Variants in TESK2 observed in about 807,000 individuals in gnomAD.
The protein encoded by TESK2 is dual specificity testis-specific protein kinase 2.
TESK2 carries 39 observed loss-of-function variants against 57.1 expected under a neutral mutation model. The observed-to-expected ratio is 0.68, with a 90% CI of 0.53 to 0.89. The LOEUF (loss-of-function observed/expected upper bound fraction) is 0.89, where lower values mean the gene tolerates loss of function less well. TESK2 is among the 40% of genes least tolerant of loss of function. TESK2 has a pLI of 0.00. For synonymous variants in TESK2, 249 were observed against 267.9 expected, an observed-to-expected ratio of 0.93 and a Z score of 0.69; for missense variants, 646 against 732.1, an observed-to-expected ratio of 0.88 and a Z score of 1.36.
At chr1:45,409,880 T>C (rs1040640371) in intron 3 of TESK2, among the ~76,000 whole-genome samples, 1 of 152,140 alleles carries the variant, frequency 6.6e-6, no homozygotes, top group African/African-American at 2.4e-5. Context: ...TTAAAAATCT[T>C]CAGCCAAGAC....
At chr1:45,375,947 T>C (rs1304237263) in intron 4 of TESK2, among the ~76,000 whole-genome samples, 1 of 152,206 alleles carries the variant, frequency 6.6e-6, no homozygotes, top group East Asian at 1.9e-4. Context: ...AACTCTTCTA[T>C]TATTTGTGGG....
Position 45,380,089 on chromosome 1 carries a change from G to A in TESK2, c.393+5823C>T, listed in dbSNP as rs144356833. ...TAATTTTTGTATTTTTTATAGAGAC[G>A]GAGTTTCACCATGTTGGCCAGGCTG... On this transcript the variant is annotated intron_variant, in intron 4 of 10. Coordinates refer to ENST00000372086, the MANE Select transcript of TESK2 (RefSeq NM_007170.3). 5.8e-3 allele frequency among the ~76,000 whole-genome samples: 887 copies of A among 152,056 alleles called. 10 individuals are homozygous for A. The highest frequency in any genetic ancestry group is 0.02 in the African/African-American group (839 of 41,472).
chr1:45,355,910 A>T (rs1557540858), intron 4 of TESK2, among the ~76,000 whole-genome samples: 2 of 152,206 alleles, frequency 1.3e-5, no homozygotes, highest in African/African-American at 4.8e-5. Flanking sequence ...GCCAGAGTGC[A>T]TTTATAGATG....
chr1:45,444,171 T>G lies in TESK2; in HGVS notation c.222+13393A>C, dbSNP rs79766204. Among the ~76,000 whole-genome samples the G allele has an allele frequency of 6.0e-4, 83 of 138,622 alleles. No homozygotes were observed. The East Asian group carries it at 0.014, about 23-fold the overall frequency. 90.9% of individuals were successfully genotyped at this position (138,622 alleles called of 152,430 possible). A position where few individuals can be genotyped will look rare whatever the true frequency, so the allele number is the denominator to read the frequency against. ...TCCAGCCTGTGTGACAAAATGAGACTCTATTAAAAAAAAAAAAAAAAGGCT... is the reference window on the plus strand; with the variant it reads ...TCCAGCCTGTGTGACAAAATGAGACGCTATTAAAAAAAAAAAAAAAAGGCT... On this transcript the variant is annotated intron_variant, in intron 2 of 10. Coordinates refer to ENST00000372086, the MANE Select transcript of TESK2 (RefSeq NM_007170.3).
rs1236109300 is a variant in TESK2 at position 45,344,932 on chromosome 1, T to C, written c.1624A>G (p.Met542Val). ...CCTGCTGGCCTTTCTTCTACCTCCA[T>C]CTCCTCAGAAGCACCCGCAGGGCAT... ...SPCPAGASEE[M>V]EVEERPAGST... Residue 542 changes from methionine to valine, a missense_variant, in exon 11 of 11, where the codon ATG becomes GTG. Physicochemically the swap from Met to Val is conservative, Grantham distance 21 (BLOSUM62 1). Transcript: ENST00000372086. The C allele has an allele frequency of 6.2e-6, 10 of 1,614,064 alleles. No individual in the cohort carries two copies. In the Admixed American group the frequency reaches 1.5e-4, roughly 24 times the overall value.
At chr1:45,425,762 G>A (rs983843730) in intron 2 of TESK2, among the ~76,000 whole-genome samples, 3 of 151,974 alleles carry the variant, frequency 2.0e-5, no homozygotes, top group South Asian at 2.1e-4. Flanking sequence ...TGCAACAATC[G>A]GTATTTTTAA....
Position 45,436,582 on chromosome 1 carries a change from C to A in TESK2, c.223-14736G>T, listed in dbSNP as rs902833596. Among the ~76,000 whole-genome samples the A allele has an allele frequency of 3.2e-4, 46 of 144,332 alleles. 1 individual carries two copies. Among genetic ancestry groups the A allele is most frequent in the African/African-American group, 1.1e-3 (44 of 38,888 alleles). The allele number at this position is 144,332 out of a possible 152,430, so 94.7% of individuals were successfully genotyped here. A position where few individuals can be genotyped will look rare whatever the true frequency, so the allele number is the denominator to read the frequency against. ...TTGGCTCACCGCAACCTCCACCTTC[C>A]GGGTTCAAGCGATTCTCCTACCTCC... On this transcript the variant is annotated intron_variant, in intron 2 of 10. Coordinates refer to ENST00000372086, the MANE Select transcript of TESK2 (RefSeq NM_007170.3).
At chr1:45,382,101 G>A (rs1314266247) in intron 4 of TESK2, among the ~76,000 whole-genome samples, 1 of 151,952 alleles carries the variant, frequency 6.6e-6, no homozygotes, top group South Asian at 2.1e-4. Flanking sequence ...CAAAATCATG[G>A]CCTCAGGCAA....
At chr1:45,409,262 T>G (rs1329709872) in intron 3 of TESK2, among the ~76,000 whole-genome samples, 1 of 152,238 alleles carries the variant, frequency 6.6e-6, no homozygotes, top group African/African-American at 2.4e-5. Flanking sequence ...CGATGTCTAT[T>G]TTAGACTAGT....
At chr1:45,423,918 CACCAGACAAA>C (rs1650583955) in intron 2 of TESK2, among the ~76,000 whole-genome samples, 1 of 152,040 alleles carries the variant, frequency 6.6e-6, no homozygotes, top group East Asian at 1.9e-4. Context: ...AAAATAAGAC[CACCAGACAAA>C]ACATTTTGTG....
chr1:45,388,553 A>G (rs1253905400), intron 3 of TESK2, among the ~76,000 whole-genome samples: 1 of 152,100 alleles, frequency 6.6e-6, no homozygotes, highest in Non-Finnish European at 1.5e-5. Flanking sequence ...ATAATGGCAG[A>G]GTTGAATAGT....
intron 3 of TESK2, among the ~76,000 whole-genome samples, chr1:45,398,129 G>A (rs530689790): frequency 8.6e-5 from 13 of 151,976 alleles, no homozygotes; most frequent in East Asian, 3.9e-4. Flanking sequence ...GGCTACTCTC[G>A]AACTCCTGGC....
intron 9 of TESK2, 136 bp from the exon 10 acceptor site, chr1:45,346,130 A>T (rs1048223475): frequency 2.8e-6 from 2 of 702,400 alleles, no homozygotes; most frequent in African/African-American, 3.5e-5. Context: ...CAGACAATGA[A>T]GGTGATCCCT....
intron 3 of TESK2, among the ~76,000 whole-genome samples, chr1:45,387,615 C>T (rs1648955868): frequency 1.3e-5 from 2 of 152,096 alleles, no homozygotes; most frequent in South Asian, 2.1e-4. Context: ...CCTAACACCA[C>T]CTAGTAAACA....
At chr1:45,468,119 T>G (rs1213780843) in intron 1 of TESK2, among the ~76,000 whole-genome samples, 2 of 150,762 alleles carry the variant, frequency 1.3e-5, no homozygotes, top group East Asian at 3.9e-4. Context: ...AAAGCTGCAG[T>G]GAGCCGTGTT....
chr1:45,478,194 G>T (rs1385621966), intron 1 of TESK2, among the ~76,000 whole-genome samples: 1 of 152,302 alleles, frequency 6.6e-6, no homozygotes, highest in African/African-American at 2.4e-5. Flanking sequence ...ATCTATGCAT[G>T]TAATATTCTT....
intron 4 of TESK2, among the ~76,000 whole-genome samples, chr1:45,360,811 C>A (rs577720997): frequency 3.3e-5 from 5 of 152,188 alleles, no homozygotes; most frequent in Non-Finnish European, 7.4e-5. Flanking sequence ...GATTTGTCAA[C>A]AAGGAAGATT....
chr1:45,454,638 T>C (rs1272988662), intron 2 of TESK2, among the ~76,000 whole-genome samples: 1 of 151,984 alleles, frequency 6.6e-6, no homozygotes, highest in Non-Finnish European at 1.5e-5. Context: ...GAATTACTCA[T>C]ATGACTCAGC....
intron 5 of TESK2, among the ~76,000 whole-genome samples, chr1:45,354,945 A>T (rs565129229): frequency 6.6e-6 from 1 of 150,754 alleles, no homozygotes; most frequent in Admixed American, 6.6e-5. Flanking sequence ...GCACTTTGGG[A>T]GGCCAAGGCG....
Sources: allele counts gnomAD v4.1 joint callset (sites outside exome capture counted in the v4.1 genomes callset), GRCh38; gene constraint gnomAD v4.1.1; transcripts MANE v1.5; gene names NCBI Gene and HGNC (gene_info 2026-07-23, HGNC 2026-07-21).